Variants in RPS6KA2 observed in about 807,000 individuals in gnomAD.
The protein encoded by RPS6KA2 is ribosomal protein S6 kinase A2.
A neutral mutation model predicts 91.8 loss-of-function variants in RPS6KA2; 42 were observed. The ratio of observed to expected loss-of-function variants is 0.46; its 90% CI spans 0.36 to 0.59. The LOEUF (loss-of-function observed/expected upper bound fraction) is 0.59, where lower values mean the gene tolerates loss of function less well. Among genes scored for constraint, RPS6KA2 ranks in the 20% least tolerant of loss-of-function variants. The pLI is 0.00. For missense variants in RPS6KA2, 798 were observed against 978.5 expected, an observed-to-expected ratio of 0.82 and a Z score of 2.46; for synonymous variants, 414 against 393.6, an observed-to-expected ratio of 1.05 and a Z score of -0.61.
At chr6:166,472,175 G>A (rs1176829697) in intron 10 of RPS6KA2, among the ~76,000 whole-genome samples, 3 of 152,216 alleles carry the variant, frequency 2.0e-5, no homozygotes, top group South Asian at 4.1e-4. Flanking sequence ...CTCTCAAAAG[G>A]CTGGAGATTG....
At chr6:166,454,857 A>T (rs1288501645) in intron 12 of RPS6KA2, among the ~76,000 whole-genome samples, 1 of 150,764 alleles carries the variant, frequency 6.6e-6, no homozygotes, top group Non-Finnish European at 1.5e-5. Flanking sequence ...TAATATATTT[A>T]AAAACAGAAT....
At chr6:166,625,613 C>T (rs1056932905) in intron 1 of RPS6KA2, among the ~76,000 whole-genome samples, 3 of 152,050 alleles carry the variant, frequency 2.0e-5, no homozygotes, top group Non-Finnish European at 2.9e-5. Flanking sequence ...GACATGTATC[C>T]GGATAAAGAT....
In RPS6KA2 at chr6:166,662,976, G is replaced by A. The variant is rs189151751; in HGVS notation, c.124-124192C>T. On this transcript the variant is annotated intron_variant, in intron 2 of 21. Coordinates refer to the RPS6KA2 transcript ENST00000503859. This position sits in a 1 kb window ranked among gnomAD's most constrained non-coding sequence, Gnocchi z 4.3. ...GGGAGGAGGCGCCATCTGCAAGCAA[G>A]AGGAGAGCCACGGAAGACACCAGCC... Among the ~76,000 whole-genome samples the A allele has an allele frequency of 1.7e-3, 264 of 152,268 alleles. 1 individual carries two copies. Among genetic ancestry groups the A allele is most frequent in the Non-Finnish European group, 2.2e-3 (150 of 68,022 alleles).
chr6:166,728,723 A>G (rs6912241), intron 2 of RPS6KA2, among the ~76,000 whole-genome samples: 5,570 of 152,140 alleles, frequency 0.037, 343 homozygotes, highest in African/African-American at 0.13. Flanking sequence ...TCTCACTTCT[A>G]AAAAACGGTA....
intron 1 of RPS6KA2, among the ~76,000 whole-genome samples, chr6:166,584,508 C>T (rs972916263): frequency 7.9e-5 from 12 of 152,224 alleles, no homozygotes; most frequent in Admixed American, 7.9e-4. Flanking sequence ...TCAACATTTA[C>T]ATCTTACAAC....
intron 2 of RPS6KA2, among the ~76,000 whole-genome samples, chr6:166,670,582 G>C (rs1013931549): frequency 1.3e-5 from 2 of 149,264 alleles, no homozygotes; most frequent in Non-Finnish European, 3.0e-5. Context: ...TCTTCAATGA[G>C]TATCCCTCCT....
intron 2 of RPS6KA2, among the ~76,000 whole-genome samples, chr6:166,689,705 T>C (rs912277420): frequency 2.0e-5 from 3 of 152,258 alleles, no homozygotes; most frequent in Admixed American, 2.0e-4. Context: ...GGCATTTTAA[T>C]AAATGTCCCC....
At chr6:166,499,823 AG>A (rs1376998417) in intron 7 of RPS6KA2, among the ~76,000 whole-genome samples, 1 of 129,888 alleles carries the variant, frequency 7.7e-6, no homozygotes, top group Non-Finnish European at 1.6e-5. Context: ...AGACTAATAC[AG>A]GGACTTTGAG....
intron 1 of RPS6KA2, among the ~76,000 whole-genome samples, chr6:166,617,031 T>G (rs1421831449): frequency 6.6e-6 from 1 of 152,228 alleles, no homozygotes; most frequent in Admixed American, 6.5e-5. Context: ...CGGCTCTGCC[T>G]GACAGAAGGT....
intron 2 of RPS6KA2, among the ~76,000 whole-genome samples, chr6:166,797,348 A>G (rs190489681): frequency 6.6e-6 from 1 of 151,858 alleles, no homozygotes; most frequent in Non-Finnish European, 1.5e-5. Context: ...CATATAGTTG[A>G]TCCTTGAACA....
chr6:166,573,687 G>A (rs1293961120), intron 1 of RPS6KA2, among the ~76,000 whole-genome samples: 4 of 152,212 alleles, frequency 2.6e-5, no homozygotes, highest in Non-Finnish European at 5.9e-5. Flanking sequence ...TGCCAGGGTC[G>A]TGACCGTAAA....
chr6:166,683,029 G>T (rs1248072598), intron 2 of RPS6KA2, among the ~76,000 whole-genome samples: 1 of 152,204 alleles, frequency 6.6e-6, no homozygotes, highest in African/African-American at 2.4e-5. Context: ...GCTGATGGAC[G>T]TCAGATGGGT....
chr6:166,853,002 A>C (rs1288681997), intron 2 of RPS6KA2, among the ~76,000 whole-genome samples: 1 of 152,180 alleles, frequency 6.6e-6, no homozygotes, highest in African/African-American at 2.4e-5. Context: ...AAGGGAAAGT[A>C]CCCCCGTAGC....
In RPS6KA2 at chr6:166,412,629, C is replaced by G; in HGVS notation, c.*133G>C. 1 of 899,218 alleles carries G rather than the reference C, an allele frequency of 1.1e-6. No homozygotes were observed. Among genetic ancestry groups the G allele is most frequent in the Non-Finnish European group, 1.6e-6 (1 of 621,200 alleles). The allele number at this position is 899,218 out of a possible 1,614,324, so 55.7% of individuals were successfully genotyped here. A position where few individuals can be genotyped will look rare whatever the true frequency, so the allele number is the denominator to read the frequency against. ...CTCTCCGGGGCTGAAAAAGAAAACA[C>G]GGACACGGCGAGGGCGGGCGCCGCC... is the stretch of plus-strand genomic sequence containing the variant. On this transcript the variant is annotated 3_prime_UTR_variant, in exon 21 of 21. Transcript: ENST00000265678. The surrounding 1 kb of genome is among the most constrained non-coding windows in gnomAD (Gnocchi z 4.3).
intron 2 of RPS6KA2, among the ~76,000 whole-genome samples, chr6:166,782,442 G>A (rs899603381): frequency 6.6e-6 from 1 of 152,166 alleles, no homozygotes; most frequent in African/African-American, 2.4e-5. Flanking sequence ...TGAAGATGGA[G>A]ACTCGGGTAT....
Position 166,554,222 on chromosome 6 carries a change from A to G in RPS6KA2, c.100-15438T>C, listed in dbSNP as rs1406352400. On this transcript the variant is annotated intron_variant, in intron 1 of 20. Coordinates refer to ENST00000265678, the MANE Select transcript of RPS6KA2 (RefSeq NM_021135.6). The surrounding 1 kb of genome is among the most constrained non-coding windows in gnomAD (Gnocchi z 4.3). ...TCTTATTAGACTTAGAGCTTTTCAA[A>G]TAATGATGACCTGAGAAGCGACTGC... 6.6e-6 allele frequency among the ~76,000 whole-genome samples: 1 copy of G among 152,232 alleles called. No individual in the cohort carries two copies. Among genetic ancestry groups the G allele is most frequent in the East Asian group, 1.9e-4 (1 of 5,198 alleles).
At chr6:166,630,959 C>A (rs1787055919), upstream of RPS6KA2, among the ~76,000 whole-genome samples, 1 of 152,148 alleles carries the variant, frequency 6.6e-6, no homozygotes, top group Non-Finnish European at 1.5e-5. Context: ...AGCAAGGGGC[C>A]TGGAGCTGTC....
intron 2 of RPS6KA2, among the ~76,000 whole-genome samples, chr6:166,789,173 T>C (rs1025007527): frequency 6.6e-6 from 1 of 152,192 alleles, no homozygotes; most frequent in African/African-American, 2.4e-5. Context: ...TACTGCACTT[T>C]TCCCACGGCC....
chr6:166,710,627 T>G (rs1168842423), intron 2 of RPS6KA2, among the ~76,000 whole-genome samples: 1 of 152,170 alleles, frequency 6.6e-6, no homozygotes, highest in Non-Finnish European at 1.5e-5. Context: ...GTGTTATGCA[T>G]CCTTCTTCTC....
Sources: allele counts gnomAD v4.1 joint callset (sites outside exome capture counted in the v4.1 genomes callset), GRCh38; gene constraint gnomAD v4.1.1; non-coding constraint Gnocchi (gnomAD v3.1); transcripts MANE v1.5; gene names NCBI Gene and HGNC (gene_info 2026-07-23, HGNC 2026-07-21).